NOTCH1: variants seen among roughly 807,000 people sequenced by gnomAD.
NOTCH1 encodes the protein neurogenic locus notch homolog protein 1.
Under a neutral mutation model 254.8 loss-of-function variants are expected in NOTCH1, and 37 were observed. The ratio of observed to expected loss-of-function variants is 0.15; its 90% CI spans 0.11 to 0.19. NOTCH1 has a LOEUF of 0.19. Ranked by LOEUF, NOTCH1 falls within the 10% of genes least tolerant of loss-of-function variation. The pLI is 1.00. For missense variants in NOTCH1, 2,972 were observed against 3,708.6 expected, an observed-to-expected ratio of 0.80 and a Z score of 5.16; for synonymous variants, 1,731 against 1,618.1, an observed-to-expected ratio of 1.07 and a Z score of -1.68.
At chr9:136,527,839 CG>C (rs901670118) in intron 2 of NOTCH1, among the ~76,000 whole-genome samples, 1 of 152,080 alleles carries the variant, frequency 6.6e-6, no homozygotes, top group African/African-American at 2.4e-5. Context: ...AGGAGGGCTG[CG>C]GGGGGAGGGT....
chr9:136,515,792 T>C (rs536489173), intron 10 of NOTCH1, 76 bp from the exon 11 acceptor site: 1 of 1,379,062 alleles, frequency 7.3e-7, no homozygotes, highest in South Asian at 1.3e-5. Flanking sequence ...AGACCTGGGG[T>C]CACCTGTGCC....
rs776423402 is a variant in NOTCH1, at chr9:136,501,833, A to G, written c.5553T>C (p.Ala1851=). 4 of 1,612,746 alleles carry G rather than the reference A, an allele frequency of 2.5e-6. No individual in the cohort carries two copies. The highest frequency in any genetic ancestry group is 4.5e-5 in the East Asian group (2 of 44,876). The change falls in exon 30 of 34, where the codon GCT becomes GCC. Residue 1851 remains alanine (A), a synonymous_variant. Transcript: ENST00000651671. ...RQWTQQHLDA[A]DLRMSAMAPT... ...GGGCCATGGCAGACATGCGCAGGTCAGCGGCATCCAGGTGCTGCTGAGTCC... is the reference window on the plus strand; with the variant it reads ...GGGCCATGGCAGACATGCGCAGGTCGGCGGCATCCAGGTGCTGCTGAGTCC...
In NOTCH1 at chr9:136,497,541, A is replaced by G. The variant is rs1842936899; in HGVS notation, c.6198T>C (p.Phe2066=). The part of the protein sequence containing the change: ...MQNNREETPL[F]LAAREGSYET... ...CGTAGCTGCCCTCCCGGGCGGCCAG[A>G]AACAGGGGTGTCTCCTCCTGGGGGA... The change falls in exon 34 of 34, where the codon TTT becomes TTC. Residue 2066 remains phenylalanine, a synonymous_variant. Transcript: ENST00000651671. The G allele has an allele frequency of 1.2e-6, 2 of 1,604,380 alleles. No homozygotes were observed. The highest frequency in any genetic ancestry group is 1.7e-5 in the Admixed American group (1 of 59,808).
At chr9:136,523,611 C>T (rs558346860) in intron 3 of NOTCH1, 106 bp downstream of exon 3, 106 of 1,434,750 alleles carry the variant, frequency 7.4e-5, no homozygotes, top group Admixed American at 5.5e-4. Context: ...CAATTACTTC[C>T]GGGTCAGAGA....
chr9:136,516,175 G>C lies in NOTCH1; in HGVS notation c.1556-81C>G. 2.8e-6 allele frequency: 3 copies of C among 1,088,492 alleles called. No individual in the cohort carries two copies. In the South Asian group the frequency reaches 3.9e-5, roughly 14 times the overall value. 67.4% of individuals were successfully genotyped at this position (1,088,492 alleles called of 1,614,324 possible). A position where few individuals can be genotyped will look rare whatever the true frequency, so the allele number is the denominator to read the frequency against. The stretch of plus-strand genomic sequence containing the variant: ...AGGGACCCCTGGCCAGACCCCAGCA[G>C]TGAGCGCCTGGCTGGGCTCCCCAGG... On this transcript the variant is annotated intron_variant, in intron 9 of 33. Transcript: ENST00000651671.
chr9:136,516,864 G>A (rs188475649), intron 9 of NOTCH1, among the ~76,000 whole-genome samples: 71 of 152,304 alleles, frequency 4.7e-4, no homozygotes, highest in African/African-American at 1.6e-3. Context: ...CCACTCATGA[G>A]GCAAAACCCT....
At position 136,506,072 on chromosome 9, in the gene NOTCH1, G is replaced by C. The variant is rs747920677; in HGVS notation, c.4015-191C>G. On this transcript the variant is annotated intron_variant, in intron 24 of 33. Coordinates refer to ENST00000651671, the MANE Select transcript of NOTCH1 (RefSeq NM_017617.5). This position sits in a 1 kb window ranked among gnomAD's most constrained non-coding sequence, Gnocchi z 4.5. Reference sequence around the variant, plus strand: ...AGAGAAAGATCGGGGGTGCCAGGGGGTCGGGAGATGGAGGAAGGGGTAAAC... The same window carrying C: ...AGAGAAAGATCGGGGGTGCCAGGGGCTCGGGAGATGGAGGAAGGGGTAAAC... Among the ~76,000 whole-genome samples, 1 of 152,164 alleles carries C rather than the reference G, an allele frequency of 6.6e-6. No individual in the cohort carries two copies. Among genetic ancestry groups the C allele is most frequent in the African/African-American group, 2.4e-5 (1 of 41,426 alleles).
chr9:136,510,719 G>A lies in NOTCH1; in HGVS notation c.2674C>T (p.Arg892Cys), dbSNP rs578228721. The A allele has an allele frequency of 5.2e-5, 83 of 1,609,684 alleles. No individual in the cohort carries two copies. In the Admixed American group the frequency reaches 1.1e-3, roughly 21 times the overall value. Residue 892 changes from arginine to cysteine, a missense_variant, in exon 17 of 34, where the codon CGC becomes TGC. Around this residue, in one of 8 missense-constraint regions of NOTCH1, gnomAD observed 1,343 missense variants for 1,557.0 expected, o/e 0.86. Transcript: ENST00000651671. The part of the protein sequence containing the change: ...ASCQNTHGGY[R>C]CHCQAGYSGR... ...CTGTAGCCGGCCTGGCAGTGGCAGC[G>A]GTAGCCGCCGTGGGTGTTCTGGCAG...
Position 136,545,532 on chromosome 9 carries a change from G to A in NOTCH1, c.61+194C>T, listed in dbSNP as rs1233943965. Reference sequence around the variant, plus strand: ...ACGGGCGGCGCGAGTCCGCCTCCACGGGGGGATCGAGGGGGAAGGTCGGTC... The same window carrying A: ...ACGGGCGGCGCGAGTCCGCCTCCACAGGGGGATCGAGGGGGAAGGTCGGTC... On this transcript the variant is annotated intron_variant, in intron 1 of 33. Coordinates refer to ENST00000651671, the MANE Select transcript of NOTCH1 (RefSeq NM_017617.5). The surrounding 1 kb of genome is among the most constrained non-coding windows in gnomAD (Gnocchi z 6.8). Among the ~76,000 whole-genome samples the A allele has an allele frequency of 2.0e-5, 3 of 151,690 alleles. No homozygotes were observed.
intron 31 of NOTCH1, 128 bp from the exon 32 acceptor site, chr9:136,499,387 C>T: frequency 7.3e-7 from 1 of 1,368,978 alleles, no homozygotes; most frequent in Non-Finnish European, 9.9e-7. Flanking sequence ...CTGAGATCGG[C>T]ACGGCCGGGC....
chr9:136,535,573 G>A (rs181096709), intron 2 of NOTCH1, among the ~76,000 whole-genome samples: 48 of 53,542 alleles, frequency 9.0e-4, no homozygotes, highest in African/African-American at 1.3e-3. Flanking sequence ...GTGGGTGGAG[G>A]GGGGAGCACT....
Position 136,517,274 on chromosome 9 carries a change from G to A in NOTCH1, c.1553C>T (p.Thr518Met), listed in dbSNP as rs377535397. ...KINEFQCECP[T>M]GFTGHLCQYD... ...CAGGGGGCGGGGGTGGCCCTCACCC[G>A]TGGGGCACTCGCACTGGAACTCATT... Residue 518 changes from threonine to methionine, a missense_variant and splice_region_variant, in exon 9 of 34, where the codon ACG (threonine) becomes ATG (methionine). Around this residue, in one of 8 missense-constraint regions of NOTCH1, gnomAD observed 128 missense variants for 193.8 expected, o/e 0.66. Transcript: ENST00000651671. 146 of 1,593,672 alleles carry A rather than the reference G, an allele frequency of 9.2e-5. 1 individual carries two copies. The African/African-American group carries it at 1.6e-3, about 17-fold the overall frequency.
chr9:136,545,802 GCC>G lies in NOTCH1; in HGVS notation c.-18_-17del, dbSNP rs939984878. ...GCGGCGGCATGCCTCCCCACCGGCT[GCC>G]CTCTGCGCCCGGGCGGCGGCCTCCT... On this transcript the variant is annotated 5_prime_UTR_variant, in exon 1 of 34. Transcript: ENST00000651671. This position sits in a 1 kb window ranked among gnomAD's most constrained non-coding sequence, Gnocchi z 6.8. 3.2e-6 allele frequency: 4 copies of G among 1,262,980 alleles called. No homozygotes were observed. In the African/African-American group the frequency reaches 6.3e-5, roughly 20 times the overall value. The allele number at this position is 1,262,980 out of a possible 1,614,324, so 78.2% of individuals were successfully genotyped here. A position where few individuals can be genotyped will look rare whatever the true frequency, so the allele number is the denominator to read the frequency against.
chr9:136,520,999 C>T (rs957011821), intron 4 of NOTCH1, among the ~76,000 whole-genome samples: 20 of 152,162 alleles, frequency 1.3e-4, no homozygotes, highest in African/African-American at 4.6e-4. Context: ...GCAGGCTGTG[C>T]GACCCCAAAT....
Position 136,507,288 on chromosome 9 carries a change from C to G in NOTCH1, c.3643+17G>C, listed in dbSNP as rs376187570. 6.2e-7 allele frequency: 1 copy of G among 1,612,700 alleles called. No individual in the cohort carries two copies. Among genetic ancestry groups the G allele is most frequent in the African/African-American group, 1.3e-5 (1 of 74,956 alleles). ...CCATGGATGGCCAACACCAGCCCTC[C>G]GTGCAGCGGCCCTTACCCTGAGTGC... On this transcript the variant is annotated intron_variant, in intron 22 of 33. Coordinates refer to ENST00000651671, the MANE Select transcript of NOTCH1 (RefSeq NM_017617.5).
intron 8 of NOTCH1, 119 bp downstream of exon 8, chr9:136,517,632 TG>T: frequency 7.8e-7 from 1 of 1,277,116 alleles, no homozygotes; most frequent in Non-Finnish European, 1.1e-6. Flanking sequence ...GTGCAGGCTG[TG>T]GGCCCAGAAG....
At chr9:136,526,269 G>GC (rs1489510533) in intron 2 of NOTCH1, among the ~76,000 whole-genome samples, 4 of 152,230 alleles carry the variant, frequency 2.6e-5, no homozygotes, top group Non-Finnish European at 5.9e-5. Context: ...CACAGGAGGG[G>GC]CGCCCTCCCT....
rs1372142716 is a variant in NOTCH1, at chr9:136,504,855, G to A, written c.4836C>T (p.Gly1612=). 2 of 1,581,956 alleles carry A rather than the reference G, an allele frequency of 1.3e-6. No individual in the cohort carries two copies. Among genetic ancestry groups the A allele is most frequent in the East Asian group, 4.6e-5 (2 of 43,554 alleles). Residue 1612 remains glycine (G), a synonymous_variant, in exon 26 of 34, where the codon GGC becomes GGT. Transcript: ENST00000651671. ...TNVVFKRDAH[G]QQMIFPYYGR... is the part of the protein sequence containing the mutation. ...CGTAGTAGGGGAAGATCATCTGCTG[G>A]CCGTGTGCGTCACGCTTGAAGACCA...
At chr9:136,528,699 C>G (rs916370057) in intron 2 of NOTCH1, among the ~76,000 whole-genome samples, 2 of 151,914 alleles carry the variant, frequency 1.3e-5, no homozygotes, top group African/African-American at 2.4e-5. Context: ...TAACACATCC[C>G]ACCTGCTCCC....
Sources: gnomAD v4.1 joint callset for allele counts (sites outside exome capture counted in the v4.1 genomes callset) on GRCh38, gnomAD v4.1.1 for gene constraint, gnomAD v4.1.1 regional missense constraint, Gnocchi (gnomAD v3.1) non-coding constraint, MANE v1.5 for transcripts, NCBI Gene and HGNC (gene_info 2026-07-23, HGNC 2026-07-21) for gene names.